PFAS: variants seen among roughly 807,000 people sequenced by gnomAD.
The protein encoded by PFAS is FGAM synthase.
PFAS carries 97 observed loss-of-function variants against 140.6 expected under a neutral mutation model. The observed-to-expected ratio is 0.69, with a 90% confidence interval of 0.59 to 0.82. The LOEUF is 0.82. PFAS is among the 40% of genes least tolerant of loss of function. PFAS has a pLI of 0.00. For missense variants in PFAS, 1,656 were observed against 1,780.2 expected (o/e 0.93, Z 1.26); for synonymous variants, 679 against 718.8 (o/e 0.94, Z 0.88).
chr17:8,260,825 C>T lies in PFAS; in HGVS notation c.1337-2095C>T, dbSNP rs56288602. Among the ~76,000 whole-genome samples the T allele has an allele frequency of 5.3e-5, 8 of 152,240 alleles. No individual in the cohort carries two copies. In the South Asian group the frequency reaches 6.2e-4, roughly 12 times the overall value. On this transcript the variant is annotated intron_variant, in intron 11 of 27. Transcript: ENST00000314666. ...GTTTTTAGCAGAGACGGGGTTTTGC[C>T]GTGTTAGCCAGGGTGGTCTCTATCT...
rs752638249 is a variant in PFAS at position 8,268,680 on chromosome 17, A to G, written c.3530A>G (p.Asp1177Gly). 25 of 1,613,334 alleles carry G rather than the reference A, an allele frequency of 1.5e-5. No homozygotes were observed. Among genetic ancestry groups the G allele is most frequent in the Admixed American group, 5.0e-5 (3 of 59,996 alleles). The change falls in exon 27 of 28, where the codon GAT becomes GGT. Residue 1177 changes from aspartate (D) to glycine (G), a missense_variant. Transcript: ENST00000314666. The part of the protein sequence containing the change: ...LGWVGGDPNE[D>G]AAEMGPDSQP... ...TGGGTGGGAGGCGACCCCAATGAGG[A>G]TGCTGCAGAGATGGGCCCTGACTCC...
chr17:8,252,642 G>A (rs1009463422), intron 1 of PFAS, among the ~76,000 whole-genome samples: 1 of 152,072 alleles, frequency 6.6e-6, no homozygotes, highest in Non-Finnish European at 1.5e-5. Flanking sequence ...CTGATCTCAA[G>A]TTCTCACTGT....
Position 8,269,254 on chromosome 17 carries a change from G to A in PFAS, c.4007G>A (p.Gly1336Glu). The A allele has an allele frequency of 6.2e-7, 1 of 1,603,958 alleles. No individual in the cohort carries two copies. Among genetic ancestry groups the A allele is most frequent in the Non-Finnish European group, 8.5e-7 (1 of 1,173,162 alleles). The change falls in exon 28 of 28, where the codon GGG (glycine) becomes GAG (glutamate). Residue 1336 changes from glycine (G) to glutamate (E), a missense_variant. Transcript: ENST00000314666. ...FINARNWTLE[G>E]SC ...AATGCCCGAAACTGGACCCTGGAAG[G>A]GAGCTGCTGACTGGCCACAGGGGCT...
intron 11 of PFAS, among the ~76,000 whole-genome samples, chr17:8,260,950 T>C (rs1274764595): frequency 6.6e-6 from 1 of 152,126 alleles, no homozygotes; most frequent in Non-Finnish European, 1.5e-5. Flanking sequence ...TATGAACATA[T>C]GTTATAATTT....
Position 8,266,847 on chromosome 17 carries a change from C to T in PFAS, c.2916C>T (p.Gly972=). Residue 972 remains glycine, a synonymous_variant, in exon 23 of 28, where the codon GGC becomes GGT. Coordinates refer to ENST00000314666, the MANE Select transcript of PFAS (RefSeq NM_012393.3). The surrounding 1 kb of genome is among the most constrained non-coding windows in gnomAD (Gnocchi z 5.0). ...TGCTGAAGCGTTACCGGGATGCTGG[C>T]CTCCATTGCCTGGAGCTGGGCCACA... ...AQVLKRYRDA[G]LHCLELGHTG... 4 of 1,609,898 alleles carry T rather than the reference C, an allele frequency of 2.5e-6. No homozygotes were observed. Among genetic ancestry groups the T allele is most frequent in the Non-Finnish European group, 3.4e-6 (4 of 1,179,730 alleles).
At position 8,268,624 on chromosome 17, in the gene PFAS, T is replaced by C; in HGVS notation, c.3474T>C (p.Cys1158=). The C allele has an allele frequency of 6.2e-7, 1 of 1,613,700 alleles. No individual in the cohort carries two copies. The highest frequency in any genetic ancestry group is 2.2e-5 in the East Asian group (1 of 44,838). The change falls in exon 27 of 28, where the codon TGT becomes TGC. Residue 1158 remains cysteine (C), a synonymous_variant. Transcript: ENST00000314666. ...KRPDTFSLGV[C]NGCQLLALLG... is the part of the protein sequence containing the mutation. ...CAGACACCTTCAGCCTGGGCGTGTG[T>C]AATGGCTGTCAACTGCTGGCTCTGC...
In PFAS at chr17:8,266,036, G is replaced by A. The variant is rs1202607776; in HGVS notation, c.2701+19G>A. ...CTGAAAGGTGAGTGAAGACCCCTGG[G>A]GAGATAGCGCACAGGGTGCCAGGCG... On this transcript the variant is annotated intron_variant, in intron 21 of 27. Transcript: ENST00000314666. The surrounding 1 kb of genome is among the most constrained non-coding windows in gnomAD (Gnocchi z 5.0). The A allele has an allele frequency of 1.9e-6, 3 of 1,587,846 alleles. No individual in the cohort carries two copies. The highest frequency in any genetic ancestry group is 1.7e-4 in the Middle Eastern group (1 of 5,884).
chr17:8,265,540 C>A lies in PFAS; in HGVS notation c.2462-16C>A. 1 of 1,613,702 alleles carries A rather than the reference C, an allele frequency of 6.2e-7. No individual in the cohort carries two copies. The highest frequency in any genetic ancestry group is 8.5e-7 in the Non-Finnish European group (1 of 1,179,592). On this transcript the variant is annotated splice_polypyrimidine_tract_variant and intron_variant, in intron 19 of 27. Transcript: ENST00000314666. ...GGTTGGCAACTCATTCCTTTGGACT[C>A]CTCCTTGCTCTACAGGGTCACTGGT...
At chr17:8,264,741 C>T in intron 17 of PFAS, 140 bp downstream of exon 17, 2 of 1,030,128 alleles carry the variant, frequency 1.9e-6, no homozygotes, top group Non-Finnish European at 2.9e-6. Context: ...ACCCTGATGG[C>T]CTGGTCTCCC....
chr17:8,265,272 C>A lies in PFAS; in HGVS notation c.2281-16C>A. 6.2e-7 allele frequency: 1 copy of A among 1,608,276 alleles called. No individual in the cohort carries two copies. ...ATTTCTCTTCCCCTCTAATGCTGTG[C>A]CTCTGCCACCCCCAGGATGTGAAGT... On this transcript the variant is annotated splice_polypyrimidine_tract_variant and intron_variant, in intron 18 of 27. Coordinates refer to ENST00000314666, the MANE Select transcript of PFAS (RefSeq NM_012393.3).
Position 8,264,991 on chromosome 17 carries a change from G to A in PFAS, c.2146G>A (p.Glu716Lys). 1 of 1,613,536 alleles carries A rather than the reference G, an allele frequency of 6.2e-7. No homozygotes were observed. Among genetic ancestry groups the A allele is most frequent in the South Asian group, 1.1e-5 (1 of 91,060 alleles). The change falls in exon 18 of 28, where the codon GAG becomes AAG. Residue 716 changes from glutamate (E) to lysine (K), a missense_variant. By Grantham distance (56) the Glu-to-Lys change is moderately conservative. Around this residue, in one of 2 missense-constraint regions of PFAS, gnomAD observed 883 missense variants for 1,023.0 expected, o/e 0.86. Coordinates refer to ENST00000314666, the MANE Select transcript of PFAS (RefSeq NM_012393.3). ...TGTAGCGGTTGTGGCACTGAGCCAT[G>A]AGGAGCTCATAGGGGCTGCCACAGC... is the stretch of plus-strand genomic sequence containing the variant. ...ADVAVVALSH[E>K]ELIGAATALG...
At position 8,266,124 on chromosome 17, in the gene PFAS, A is replaced by T; in HGVS notation, c.2701+107A>T. The T allele has an allele frequency of 1.3e-6, 2 of 1,544,778 alleles. No homozygotes were observed. Among genetic ancestry groups the T allele is most frequent in the South Asian group, 2.4e-5 (2 of 82,278 alleles). On this transcript the variant is annotated intron_variant, in intron 21 of 27. Transcript: ENST00000314666. This position sits in a 1 kb window ranked among gnomAD's most constrained non-coding sequence, Gnocchi z 5.0. Reference sequence around the variant, plus strand: ...GGGACTCCAATGGACGATGTACCCCAGATCCCCTGACATTCTGACACACAC... The same window carrying T: ...GGGACTCCAATGGACGATGTACCCCTGATCCCCTGACATTCTGACACACAC...
intron 11 of PFAS, among the ~76,000 whole-genome samples, chr17:8,258,614 G>A (rs181245962): frequency 6.6e-6 from 1 of 152,268 alleles, no homozygotes; most frequent in East Asian, 1.9e-4. Flanking sequence ...ACTGAGACAG[G>A]TGGATCACCT....
chr17:8,248,147 C>T (rs1988943886), upstream of PFAS: 1 of 808,894 alleles, frequency 1.2e-6, no homozygotes. Flanking sequence ...TCGCCACCTC[C>T]AGCTCCTTCT....
At chr17:8,268,327 C>T (rs977654704) in intron 26 of PFAS, among the ~76,000 whole-genome samples, 1 of 138,390 alleles carries the variant, frequency 7.2e-6, no homozygotes, top group African/African-American at 2.7e-5. Flanking sequence ...GAGCCGAGAT[C>T]ATGCCACTGT....
At chr17:8,249,951 C>T (rs1363131378) in intron 1 of PFAS, among the ~76,000 whole-genome samples, 1 of 152,086 alleles carries the variant, frequency 6.6e-6, no homozygotes, top group Non-Finnish European at 1.5e-5. Context: ...ATAAAAACAT[C>T]CAATAGTGAT....
intron 11 of PFAS, among the ~76,000 whole-genome samples, chr17:8,260,456 G>A (rs904230041): frequency 7.2e-5 from 11 of 152,164 alleles, no homozygotes; most frequent in African/African-American, 2.4e-4. Context: ...GGGGTTATCC[G>A]TTGCATCAGT....
intron 6 of PFAS, 43 bp downstream of exon 6, chr17:8,255,953 G>A (rs770851360): frequency 6.3e-6 from 9 of 1,436,060 alleles, no homozygotes; most frequent in Middle Eastern, 2.0e-4. Context: ...GCCCATGGGT[G>A]TTGGGAGAGA....
Position 8,266,127 on chromosome 17 carries a change from T to G in PFAS, c.2702-107T>G. The G allele has an allele frequency of 6.5e-7, 1 of 1,546,660 alleles. No homozygotes were observed. The highest frequency in any genetic ancestry group is 8.8e-7 in the Non-Finnish European group (1 of 1,136,134). ...ACTCCAATGGACGATGTACCCCAGA[T>G]CCCCTGACATTCTGACACACACTCT... On this transcript the variant is annotated intron_variant, in intron 21 of 27. Transcript: ENST00000314666. This position sits in a 1 kb window ranked among gnomAD's most constrained non-coding sequence, Gnocchi z 5.0.
Sources: allele counts gnomAD v4.1 joint callset (sites outside exome capture counted in the v4.1 genomes callset), GRCh38; gene constraint gnomAD v4.1.1; regional missense constraint gnomAD v4.1.1; non-coding constraint Gnocchi (gnomAD v3.1); transcripts MANE v1.5; gene names NCBI Gene and HGNC (gene_info 2026-07-23, HGNC 2026-07-21).